Variants in SH2D3C observed in about 807,000 individuals in gnomAD.
SH2D3C encodes the protein SH2 domain containing 3C, also known as SH2 domain-containing protein 3C.
In SH2D3C, 25 loss-of-function variants were observed where a neutral mutation model predicts 75.2. That is an observed-to-expected ratio of 0.33 (90% CI 0.24 to 0.46). The LOEUF (loss-of-function observed/expected upper bound fraction) is 0.46, where lower values mean the gene tolerates loss of function less well. Ranked by LOEUF, SH2D3C falls within the 20% of genes least tolerant of loss-of-function variation. SH2D3C has a pLI of 1.00. For synonymous variants in SH2D3C, 450 were observed against 473.7 expected, an observed-to-expected ratio of 0.95 and a Z score of 0.65; for missense variants, 933 against 1,165.3, an observed-to-expected ratio of 0.80 and a Z score of 2.90.
intron 5 of SH2D3C, among the ~76,000 whole-genome samples, chr9:127,747,632 C>T (rs934775147): frequency 3.3e-5 from 5 of 151,956 alleles, no homozygotes; most frequent in East Asian, 1.9e-4. Flanking sequence ...ACCTGCCTCC[C>T]GAGTTCAAGA....
At chr9:127,757,609 GAT>G (rs1845418630) in intron 3 of SH2D3C, among the ~76,000 whole-genome samples, 1 of 116,158 alleles carries the variant, frequency 8.6e-6, no homozygotes, top group African/African-American at 3.1e-5. Context: ...CCCAGATGAT[GAT>G]GATGATGATG....
At chr9:127,770,076 G>C (rs553481439) in intron 2 of SH2D3C, among the ~76,000 whole-genome samples, 15 of 152,156 alleles carry the variant, frequency 9.9e-5, no homozygotes. Flanking sequence ...AGGAGGGAGG[G>C]TGCCTCTCTG....
intron 2 of SH2D3C, among the ~76,000 whole-genome samples, chr9:127,763,569 A>G (rs1330784940): frequency 6.6e-6 from 1 of 152,206 alleles, no homozygotes. Flanking sequence ...GTAAAGAGCC[A>G]ATTTTAATTG....
intron 1 of SH2D3C, among the ~76,000 whole-genome samples, chr9:127,775,345 T>G (rs189206917): frequency 6.6e-6 from 1 of 152,198 alleles, no homozygotes; most frequent in Admixed American, 6.5e-5. Flanking sequence ...AATAAAAAAG[T>G]AAGGCCTGGT....
At chr9:127,771,710 G>C (rs2131809092) in intron 2 of SH2D3C, among the ~76,000 whole-genome samples, 1 of 152,316 alleles carries the variant, frequency 6.6e-6, no homozygotes, top group South Asian at 2.1e-4. Flanking sequence ...TCATACCTTG[G>C]GGTGTCTTAG....
Position 127,744,657 on chromosome 9 carries a change from T to G in SH2D3C, c.1707A>C (p.Pro569=). Residue 569 remains proline (P), a synonymous_variant, in exon 7 of 12, where the codon CCA becomes CCC. Transcript: ENST00000314830. ...QSLLIPRDNR[P]LEVGLLRKVK... is the part of the protein sequence containing the mutation. ...CCTTGCGCAGAAGGCCCACCTCCAGTGGCCGGTTATCCCTGGGGATCAGTA... is the reference window on the plus strand; with the variant it reads ...CCTTGCGCAGAAGGCCCACCTCCAGGGGCCGGTTATCCCTGGGGATCAGTA... The G allele has an allele frequency of 3.7e-6, 6 of 1,614,198 alleles. No homozygotes were observed. Among genetic ancestry groups the G allele is most frequent in the Non-Finnish European group, 3.4e-6 (4 of 1,180,032 alleles).
chr9:127,739,819 G>A lies in SH2D3C; in HGVS notation c.2270C>T (p.Ser757Leu), dbSNP rs201649998. Residue 757 changes from serine to leucine, a missense_variant, in exon 11 of 12, where the codon TCG becomes TTG. Physicochemically the swap from Ser to Leu is moderately radical, Grantham distance 145. Transcript: ENST00000314830. The surrounding 1 kb of genome is among the most constrained non-coding windows in gnomAD (Gnocchi z 4.3). ...GGGCTCAGGGCCCTCTGGTGGGGCC[G>A]AGTCACACTCCAGCAGGGTGATGAG... ...LPLITLLECD[S>L]APPEGPEPWG... 4.6e-4 allele frequency: 726 copies of A among 1,587,512 alleles called. 1 individual carries two copies. Among genetic ancestry groups the A allele is most frequent in the Non-Finnish European group, 5.3e-4 (619 of 1,167,062 alleles).
intron 3 of SH2D3C, 99 bp downstream of exon 3, chr9:127,761,512 C>T: frequency 1.2e-6 from 1 of 813,006 alleles, no homozygotes; most frequent in East Asian, 2.7e-5. Flanking sequence ...TGAGGTCTGG[C>T]TCCTAACAAG....
In SH2D3C at chr9:127,744,961, T is replaced by TG; in HGVS notation, c.1402dup (p.His468ProfsTer22). The TG allele has an allele frequency of 6.4e-7, 1 of 1,558,068 alleles. No individual in the cohort carries two copies. Among genetic ancestry groups the TG allele is most frequent in the Non-Finnish European group, 8.7e-7 (1 of 1,150,504 alleles). ...GCCAAGGGTGTGGGAGGGGCTGGTG[T>TG]GGGGGCCCTTGTCTGACTCCCCATG... On this transcript the variant is annotated frameshift_variant, in exon 7 of 12. Coordinates refer to ENST00000314830, the MANE Select transcript of SH2D3C (RefSeq NM_170600.3). LOFTEE classifies it high-confidence loss of function.
At chr9:127,760,688 C>A (rs959981723) in intron 3 of SH2D3C, among the ~76,000 whole-genome samples, 1 of 152,056 alleles carries the variant, frequency 6.6e-6, no homozygotes, top group Non-Finnish European at 1.5e-5. Flanking sequence ...TGTAAACGGG[C>A]ACAAGAAGGC....
intron 2 of SH2D3C, among the ~76,000 whole-genome samples, chr9:127,767,960 G>A (rs567588671): frequency 1.3e-5 from 2 of 152,202 alleles, no homozygotes; most frequent in Non-Finnish European, 1.5e-5. Flanking sequence ...CTGGGGGTTT[G>A]GGGGGATGTG....
rs61761896 is a variant in SH2D3C at position 127,745,037 on chromosome 9, C to T, written c.1327G>A (p.Ala443Thr). 124 of 1,508,496 alleles carry T rather than the reference C, an allele frequency of 8.2e-5. No individual in the cohort carries two copies. Among genetic ancestry groups the T allele is most frequent in the Admixed American group, 3.6e-4 (16 of 43,842 alleles). The allele number at this position is 1,508,496 out of a possible 1,614,324, so 93.4% of individuals were successfully genotyped here. A position where few individuals can be genotyped will look rare whatever the true frequency, so the allele number is the denominator to read the frequency against. Residue 443 changes from alanine to threonine, a missense_variant, in exon 7 of 12, where the codon GCC becomes ACC. Coordinates refer to ENST00000314830, the MANE Select transcript of SH2D3C (RefSeq NM_170600.3). ...SATALPASPVARRSSEPQLCP... is the reference protein window; with the variant it reads ...SATALPASPVTRRSSEPQLCP... ...AGCTGGGGCTCACTGGAACGGCGGG[C>T]GACAGGGGAGGCAGGCAATGCTGTG... is the stretch of plus-strand genomic sequence containing the variant.
intron 2 of SH2D3C, among the ~76,000 whole-genome samples, chr9:127,763,193 T>A (rs563468783): frequency 1.3e-5 from 2 of 152,208 alleles, no homozygotes; most frequent in Admixed American, 6.5e-5. Context: ...TGTCACCTCT[T>A]CGGAGAAGCC....
Position 127,738,574 on chromosome 9 carries a change from T to C in SH2D3C, c.*172A>G. On this transcript the variant is annotated 3_prime_UTR_variant, in exon 12 of 12. Transcript: ENST00000314830. The surrounding 1 kb of genome is among the most constrained non-coding windows in gnomAD (Gnocchi z 5.0). ...GGAGACCTGGTGAGCATGTAGCAGGTGGGATGGAACCCAGAGTCCACGCAG... is the reference window on the plus strand; with the variant it reads ...GGAGACCTGGTGAGCATGTAGCAGGCGGGATGGAACCCAGAGTCCACGCAG... The C allele has an allele frequency of 1.8e-6, 1 of 552,742 alleles. No homozygotes were observed. Among genetic ancestry groups the C allele is most frequent in the Admixed American group, 4.0e-5 (1 of 24,736 alleles). 34.2% of individuals were successfully genotyped at this position (552,742 alleles called of 1,614,324 possible). A position where few individuals can be genotyped will look rare whatever the true frequency, so the allele number is the denominator to read the frequency against.
rs1378708178 is a variant in SH2D3C at position 127,740,288 on chromosome 9, G to C, written c.2170C>G (p.Pro724Ala). 1 of 1,614,132 alleles carries C rather than the reference G, an allele frequency of 6.2e-7. No homozygotes were observed. Among genetic ancestry groups the C allele is most frequent in the South Asian group, 1.1e-5 (1 of 91,090 alleles). The change falls in exon 10 of 12, where the codon CCT (proline) becomes GCT (alanine). Residue 724 changes from proline to alanine, a missense_variant. Physicochemically the swap from Pro to Ala is conservative, Grantham distance 27 (BLOSUM62 -1). Transcript: ENST00000314830. ...CCCTCGTTGAGGCTCTTGAGAAAAG[G>C]CTTGAGCTTCTTCTCGTACAGGATG... Reference protein sequence around the residue: ...GAILYEKKLKPFLKSLNEGKE... With the variant: ...GAILYEKKLKAFLKSLNEGKE...
chr9:127,765,348 T>A (rs1845614102), intron 2 of SH2D3C, among the ~76,000 whole-genome samples: 1 of 152,204 alleles, frequency 6.6e-6, no homozygotes, highest in Non-Finnish European at 1.5e-5. Flanking sequence ...CTCCTCTCAC[T>A]AGAATGTCAG....
rs1588507019 is a variant in SH2D3C, at chr9:127,754,426, C to A, written c.556-3126G>T. Among the ~76,000 whole-genome samples the A allele has an allele frequency of 6.6e-6, 1 of 152,180 alleles. No individual in the cohort carries two copies. The highest frequency in any genetic ancestry group is 2.4e-5 in the African/African-American group (1 of 41,448). On this transcript the variant is annotated intron_variant, in intron 3 of 11. Coordinates refer to ENST00000314830, the MANE Select transcript of SH2D3C (RefSeq NM_170600.3). The surrounding 1 kb of genome is among the most constrained non-coding windows in gnomAD (Gnocchi z 4.4). ...TCCAGCTCCCCTCGGCGTCCCAACCCCAAGCAAAGCCATCCCCAAAGGATG... is the reference window on the plus strand; with the variant it reads ...TCCAGCTCCCCTCGGCGTCCCAACCACAAGCAAAGCCATCCCCAAAGGATG...
At chr9:127,767,859 A>G (rs1845663775) in intron 2 of SH2D3C, among the ~76,000 whole-genome samples, 1 of 152,244 alleles carries the variant, frequency 6.6e-6, no homozygotes, top group Non-Finnish European at 1.5e-5. Flanking sequence ...AAGGTCACAC[A>G]GTCAGTGGGC....
At chr9:127,758,147 T>C (rs1049729730) in intron 3 of SH2D3C, among the ~76,000 whole-genome samples, 3 of 151,930 alleles carry the variant, frequency 2.0e-5, no homozygotes, top group Non-Finnish European at 4.4e-5. Context: ...AATTTTTATA[T>C]ATTTTTTCTA....
Sources: gnomAD v4.1 joint callset for allele counts (sites outside exome capture counted in the v4.1 genomes callset) on GRCh38, gnomAD v4.1.1 for gene constraint, Gnocchi (gnomAD v3.1) non-coding constraint, MANE v1.5 for transcripts, NCBI Gene and HGNC (gene_info 2026-07-23, HGNC 2026-07-21) for gene names.